The following METTL22 variants were observed in gnomAD, a reference collection of about 807,000 sequenced individuals.
The protein encoded by METTL22 is methyltransferase 22, Kin17 lysine, also known as methyltransferase-like protein 22.
Under a neutral mutation model 48.4 loss-of-function variants are expected in METTL22, and 51 were observed. The ratio of observed to expected loss-of-function variants is 1.05; its 90% CI spans 0.84 to 1.33. METTL22 has a LOEUF of 1.33. Among genes scored for constraint, METTL22 ranks in the 40% most tolerant of loss-of-function variants. The probability of loss-of-function intolerance (pLI) is 0.00; values close to 1 mark genes in which losing one functional copy is unlikely to be tolerated. For missense variants in METTL22, 678 were observed against 526.9 expected, an observed-to-expected ratio of 1.29 and a Z score of -2.81; for synonymous variants, 255 against 214.1, an observed-to-expected ratio of 1.19 and a Z score of -1.67.
chr16:8,635,758 G>C (rs2056404804), intron 5 of METTL22, among the ~76,000 whole-genome samples: 2 of 152,162 alleles, frequency 1.3e-5, no homozygotes, highest in Admixed American at 1.3e-4. Context: ...TCCCTAGATT[G>C]AATCAACAAT....
Position 8,647,231 on chromosome 16 carries a change from T to C in METTL22, c.*1088T>C, listed in dbSNP as rs1369162654. ...GCCAGGGGCCAGGCACTTGCAAGTC[T>C]AACTTCATCTTCCCAACAAATTTAG... On this transcript the variant is annotated 3_prime_UTR_variant, in exon 11 of 11. Transcript: ENST00000381920. The C allele has an allele frequency of 6.4e-6, 1 of 156,998 alleles. No individual in the cohort carries two copies. Among genetic ancestry groups the C allele is most frequent in the African/African-American group, 2.4e-5 (1 of 41,420 alleles). 9.7% of individuals were successfully genotyped at this position (156,998 alleles called of 1,614,324 possible). A position where few individuals can be genotyped will look rare whatever the true frequency, so the allele number is the denominator to read the frequency against.
At chr16:8,651,566 A>G (rs1641085), downstream of METTL22, among the ~76,000 whole-genome samples, 150,165 of 152,064 alleles carry the variant, frequency 0.99, 74,180 homozygotes, top group Middle Eastern at 1. Flanking sequence ...GTCTCACATC[A>G]TCACCTGCTA....
chr16:8,651,314 G>A (rs929013412), downstream of METTL22, among the ~76,000 whole-genome samples: 2 of 132,640 alleles, frequency 1.5e-5, no homozygotes, highest in Non-Finnish European at 1.5e-5. Flanking sequence ...GTGAACCCGG[G>A]AGGCGGAGCT....
intron 2 of METTL22, among the ~76,000 whole-genome samples, chr16:8,627,943 T>C (rs534813219): frequency 6.6e-6 from 1 of 152,320 alleles, no homozygotes; most frequent in Admixed American, 6.5e-5. Context: ...ATTTACCATG[T>C]TGCCCAGGCT....
intron 2 of METTL22, 37 bp from the exon 3 acceptor site, chr16:8,628,693 T>C: frequency 1.3e-6 from 2 of 1,558,934 alleles, no homozygotes; most frequent in South Asian, 2.4e-5. Context: ...AGAAAACATC[T>C]TGGAATTCTC....
chr16:8,666,858 C>T, the METTL22 span: 2 of 151,272 alleles, frequency 1.3e-5, no homozygotes, highest in African/African-American at 4.9e-5. Flanking sequence ...ACCATCTCGG[C>T]TCACTGCAAC....
intron 3 of METTL22, among the ~76,000 whole-genome samples, chr16:8,630,546 C>T (rs900044246): frequency 3.9e-5 from 6 of 152,228 alleles, no homozygotes; most frequent in Admixed American, 3.3e-4. Context: ...GGGGGGCCGA[C>T]GATGGCTCAT....
At chr16:8,645,440 A>G (rs993916837) in intron 10 of METTL22, among the ~76,000 whole-genome samples, 1 of 152,154 alleles carries the variant, frequency 6.6e-6, no homozygotes, top group African/African-American at 2.4e-5. Flanking sequence ...CCAAGAACAC[A>G]CATTTCTTAC....
In METTL22 at chr16:8,645,847, T is replaced by C. The variant is rs561789815; in HGVS notation, c.1180-261T>C. On this transcript the variant is annotated intron_variant, in intron 10 of 10. Transcript: ENST00000381920. ...GGCAACTCACTGCTATTCTGGTCTC[T>C]TCTGATTGTTTGACATCCTCTGATG... The C allele has an allele frequency of 5.5e-5, 64 of 1,154,388 alleles. No individual in the cohort carries two copies. In the South Asian group the frequency reaches 9.3e-4, roughly 17 times the overall value. The allele number at this position is 1,154,388 out of a possible 1,614,324, so 71.5% of individuals were successfully genotyped here. A position where few individuals can be genotyped will look rare whatever the true frequency, so the allele number is the denominator to read the frequency against.
intron 6 of METTL22, among the ~76,000 whole-genome samples, chr16:8,640,929 G>C (rs1360664718): frequency 3.5e-5 from 3 of 85,308 alleles, no homozygotes; most frequent in African/African-American, 1.2e-4. Flanking sequence ...TGGATGGATG[G>C]ATGGATGGAT....
At chr16:8,632,655 G>C (rs896417400) in intron 3 of METTL22, among the ~76,000 whole-genome samples, 2 of 152,202 alleles carry the variant, frequency 1.3e-5, no homozygotes, top group Admixed American at 6.5e-5. Context: ...TGCCGAGCCT[G>C]TGCTCTCTCA....
intron 3 of METTL22, 73 bp downstream of exon 3, chr16:8,629,183 G>C (rs1426974146): frequency 3.2e-6 from 5 of 1,545,782 alleles, no homozygotes; most frequent in African/African-American, 1.4e-5. Flanking sequence ...GGCTCAGTAT[G>C]ATCTGAGCGT....
At chr16:8,644,229 C>G (rs577945680) in intron 9 of METTL22, among the ~76,000 whole-genome samples, 1 of 152,336 alleles carries the variant, frequency 6.6e-6, no homozygotes, top group South Asian at 2.1e-4. Flanking sequence ...AGATTCTGTG[C>G]TGGGTGCAGG....
At chr16:8,630,644 T>C (rs1204725772) in intron 3 of METTL22, among the ~76,000 whole-genome samples, 1 of 152,068 alleles carries the variant, frequency 6.6e-6, no homozygotes, top group African/African-American at 2.4e-5. Context: ...GTGTCTGTAG[T>C]GAATGTTCTG....
chr16:8,641,627 C>T (rs900603609), intron 7 of METTL22: 6 of 361,958 alleles, frequency 1.7e-5, no homozygotes, highest in African/African-American at 1.5e-4. Context: ...CTTGCTCTTT[C>T]TTTGTATAAA....
rs1271828147 is a variant in METTL22, at chr16:8,640,990, A to T, written c.773-141A>T. On this transcript the variant is annotated intron_variant, in intron 6 of 10. Coordinates refer to ENST00000381920, the MANE Select transcript of METTL22 (RefSeq NM_024109.4). ...GCTGGCTGGCTGGCTGGCTGTAAAG[A>T]TGGAAGGGCAGGAAGGTGGATGGGT... 6 of 455,424 alleles carry T rather than the reference A, an allele frequency of 1.3e-5. No individual in the cohort carries two copies. In the Admixed American group the frequency reaches 1.5e-4, roughly 12 times the overall value. 28.2% of individuals were successfully genotyped at this position (455,424 alleles called of 1,614,324 possible).
intron 3 of METTL22, among the ~76,000 whole-genome samples, chr16:8,630,285 C>T (rs1236069844): frequency 6.6e-6 from 1 of 152,204 alleles, no homozygotes; most frequent in Admixed American, 6.5e-5. Flanking sequence ...GAACTCATAC[C>T]AGAACCCAGT....
chr16:8,623,124 G>A (rs2055912014), intron 1 of METTL22, among the ~76,000 whole-genome samples: 1 of 151,922 alleles, frequency 6.6e-6, no homozygotes, highest in Non-Finnish European at 1.5e-5. Flanking sequence ...GACTAGCCTG[G>A]CCAACATGGC....
rs543349766 is a variant in METTL22 at position 8,646,320 on chromosome 16, C to T, written c.*177C>T. ...TCTGTCCCTGCCTCCCAGTTGTAGC[C>T]AGAGAAGGTTGTTGCTGTGGGCTGG... On this transcript the variant is annotated 3_prime_UTR_variant, in exon 11 of 11. Coordinates refer to ENST00000381920, the MANE Select transcript of METTL22 (RefSeq NM_024109.4). 7.4e-5 allele frequency: 60 copies of T among 813,188 alleles called. No homozygotes were observed. The African/African-American group carries it at 9.4e-4, about 13-fold the overall frequency. The allele number at this position is 813,188 out of a possible 1,614,324, so 50.4% of individuals were successfully genotyped here.
Sources: allele counts gnomAD v4.1 joint callset (sites outside exome capture counted in the v4.1 genomes callset), GRCh38; gene constraint gnomAD v4.1.1; transcripts MANE v1.5; gene names NCBI Gene and HGNC (gene_info 2026-07-23, HGNC 2026-07-21).